STS: variants seen among roughly 807,000 people sequenced by gnomAD.
The protein encoded by STS is steroid sulfatase, also known as steryl-sulfatase.
A neutral mutation model predicts 26.8 loss-of-function variants in STS; 7 were observed. The ratio of observed to expected loss-of-function variants is 0.26; its 90% confidence interval spans 0.15 to 0.49. The LOEUF (loss-of-function observed/expected upper bound fraction) is 0.49. Among genes scored for constraint, STS ranks in the 20% least tolerant of loss-of-function variants. STS has a pLI of 0.98. For synonymous variants in STS, 199 were observed against 189.4 expected (o/e 1.05, Z -0.42); for missense variants, 434 against 465.6 (o/e 0.93, Z 0.63).
At chrX:7,290,399 C>G (rs1925356815) in intron 7 of STS, among the ~76,000 whole-genome samples, 1 of 111,990 alleles carries the variant, frequency 8.9e-6, no homozygotes, top group Non-Finnish European at 1.9e-5. Context: ...ACTCGTTCTT[C>G]TCTCACTATA....
chrX:7,281,179 G>T (rs1924841589), intron 7 of STS, among the ~76,000 whole-genome samples: 1 of 104,610 alleles, frequency 9.6e-6, no homozygotes, highest in Non-Finnish European at 2.0e-5. Flanking sequence ...AAAAAAAAAA[G>T]CCTTGCTATG....
chrX:7,322,086 G>A (rs150299468), intron 8 of STS, among the ~76,000 whole-genome samples: 42 of 112,712 alleles, frequency 3.7e-4, no homozygotes, highest in African/African-American at 1.3e-3. Context: ...ATTCACGTGC[G>A]TGGAGCCTTA....
chrX:7,292,789 T>C (rs1270562523), intron 7 of STS, among the ~76,000 whole-genome samples: 2 of 111,439 alleles, frequency 1.8e-5, no homozygotes, highest in African/African-American at 6.5e-5. Context: ...ATCAGAGTCC[T>C]GCTTGAAGCA....
At chrX:7,200,355 A>C (rs1201068127) in intron 2 of STS, among the ~76,000 whole-genome samples, 1 of 111,487 alleles carries the variant, frequency 9.0e-6, no homozygotes, top group Non-Finnish European at 1.9e-5. Context: ...AATCCCGTAT[A>C]TTAACTCTAG....
chrX:7,148,157 C>T (rs1278104546), intron 1 of STS, 74 bp downstream of exon 1: 7 of 958,977 alleles, frequency 7.3e-6, no homozygotes, highest in Non-Finnish European at 8.5e-6. Flanking sequence ...AGGAAGTGCG[C>T]GCGCACCCGC....
intron 3 of STS, among the ~76,000 whole-genome samples, chrX:7,256,974 G>T (rs972037871): frequency 4.1e-4 from 46 of 112,044 alleles, no homozygotes; most frequent in African/African-American, 1.5e-3. Context: ...TCACAGAGCT[G>T]GGCACAGTGG....
intron 1 of STS, among the ~76,000 whole-genome samples, chrX:7,159,202 G>T (rs1362259169): frequency 2.7e-5 from 3 of 110,862 alleles, no homozygotes; most frequent in Non-Finnish European, 5.7e-5. Context: ...AACACTGGAG[G>T]TTATTTTTCC....
intron 1 of STS, among the ~76,000 whole-genome samples, chrX:7,172,708 AAGAG>A (rs1482723583): frequency 8.9e-6 from 1 of 111,763 alleles, no homozygotes; most frequent in Non-Finnish European, 1.9e-5. Context: ...GTATTTTTAA[AAGAG>A]AGAAGAAATC....
chrX:7,318,167 C>T (rs1213298039), intron 8 of STS, among the ~76,000 whole-genome samples: 1 of 111,615 alleles, frequency 9.0e-6, no homozygotes, highest in Non-Finnish European at 1.9e-5. Flanking sequence ...CATCATTAGT[C>T]CTGATCATAG....
rs191843547 is a variant in STS, at chrX:7,152,231, C to T, written c.-134+4148C>T. ...CCTCCCAAAGTGCTGGGATTACAGG[C>T]GTGAGCCACCACGCCCGGCCAGGAT... is the stretch of plus-strand genomic sequence containing the variant. On this transcript the variant is annotated intron_variant, in intron 1 of 10. Transcript: ENST00000674429. 1.5e-3 allele frequency among the ~76,000 whole-genome samples: 168 copies of T among 112,010 alleles called. 2 individuals carry two copies. Among genetic ancestry groups the T allele is most frequent in the Non-Finnish European group, 1.1e-3 (58 of 53,156 alleles).
At position 7,324,100 on chromosome X, in the gene STS, A is replaced by G. The variant is rs775033689; in HGVS notation, c.1082-1239A>G. The stretch of plus-strand genomic sequence containing the variant: ...TGATTTATACATTTTAGGGAGACAT[A>G]CAGCATTAGTCAATATATGTAAGAT... On this transcript the variant is annotated intron_variant, in intron 8 of 10. Coordinates refer to ENST00000674429, the MANE Select transcript of STS (RefSeq NM_001320752.2). Among the ~76,000 whole-genome samples the G allele has an allele frequency of 9.1e-5, 10 of 110,434 alleles. No homozygotes were observed. The East Asian group carries it at 2.9e-3, about 32-fold the overall frequency.
intron 6 of STS, among the ~76,000 whole-genome samples, chrX:7,267,274 C>T (rs1480774093): frequency 8.9e-6 from 1 of 111,925 alleles, no homozygotes; most frequent in Non-Finnish European, 1.9e-5. Context: ...GAGAATGCAT[C>T]TCTGTAATTC....
At chrX:7,248,004 C>T (rs1450020422) in intron 2 of STS, among the ~76,000 whole-genome samples, 20 of 111,499 alleles carry the variant, frequency 1.8e-4, no homozygotes, top group African/African-American at 6.5e-4. Flanking sequence ...TGGGGGAGAA[C>T]TGCAAAAGAA....
Position 7,282,305 on chromosome X carries a change from A to C in STS, c.943+6218A>C, listed in dbSNP as rs1323912807. Among the ~76,000 whole-genome samples the C allele has an allele frequency of 4.5e-5, 5 of 111,969 alleles. No homozygotes were observed. The East Asian group carries it at 1.4e-3, about 32-fold the overall frequency. ...AACCTCGACTTCCTGGGCTCAAGCA[A>C]TCCTTCCACTTTAGCCTCCTGAGTA... On this transcript the variant is annotated intron_variant, in intron 7 of 10. Transcript: ENST00000674429.
At chrX:7,325,276 G>C (rs905685354) in intron 8 of STS, 63 bp from the exon 9 acceptor site, 6 of 1,138,887 alleles carry the variant, frequency 5.3e-6, no homozygotes, top group East Asian at 3.0e-5. Context: ...AGAGTCCATT[G>C]AAGTGAGCAT....
chrX:7,168,542 G>A (rs1933396969), intron 1 of STS, among the ~76,000 whole-genome samples: 1 of 111,623 alleles, frequency 9.0e-6, no homozygotes, highest in South Asian at 3.8e-4. Context: ...GGATCAGAGG[G>A]CATCCCTCAT....
At chrX:7,294,840 T>C (rs759438123) in intron 7 of STS, among the ~76,000 whole-genome samples, 1 of 111,780 alleles carries the variant, frequency 8.9e-6, no homozygotes, top group African/African-American at 3.2e-5. Flanking sequence ...GCTCTGGAGC[T>C]GCAGGTTGTG....
chrX:7,188,213 C>T (rs1179810088), intron 1 of STS, among the ~76,000 whole-genome samples: 1 of 111,898 alleles, frequency 8.9e-6, no homozygotes, highest in Non-Finnish European at 1.9e-5. Context: ...TTTGCCTGTG[C>T]TTGTAGCCAC....
chrX:7,204,814 C>A (rs1022333847), intron 2 of STS, among the ~76,000 whole-genome samples: 1 of 105,340 alleles, frequency 9.5e-6, no homozygotes, highest in Admixed American at 1.0e-4. Flanking sequence ...GCCTTCCTTT[C>A]TTTCCATCCC....
Sources: gnomAD v4.1 joint callset for allele counts (sites outside exome capture counted in the v4.1 genomes callset) on GRCh38, gnomAD v4.1.1 for gene constraint, MANE v1.5 for transcripts, NCBI Gene and HGNC (gene_info 2026-07-23, HGNC 2026-07-21) for gene names.